HDAC9: variants seen among roughly 807,000 people sequenced by gnomAD.
The protein encoded by HDAC9 is MEF-2 interacting transcription repressor (MITR) protein.
Under a neutral mutation model 139.4 loss-of-function variants are expected in HDAC9, and 41 were observed. The ratio of observed to expected loss-of-function variants is 0.29; its 90% CI spans 0.23 to 0.38. The LOEUF is 0.38. Ranked by LOEUF, HDAC9 falls within the 10% of genes least tolerant of loss-of-function variation. The pLI, the probability that HDAC9 is intolerant of heterozygous loss-of-function variation, is 1.00. For synonymous variants in HDAC9, 517 were observed against 476.2 expected, an observed-to-expected ratio of 1.09 and a Z score of -1.12; for missense variants, 1,147 against 1,297.0, an observed-to-expected ratio of 0.88 and a Z score of 1.78.
At chr7:18,807,689 T>C (rs991416900) in intron 17 of HDAC9, among the ~76,000 whole-genome samples, 1 of 152,182 alleles carries the variant, frequency 6.6e-6, no homozygotes, top group Non-Finnish European at 1.5e-5. Flanking sequence ...ACCCATTGGT[T>C]TCCCAGAAAT....
chr7:18,991,034 C>G (rs144236580), intron 25 of HDAC9, among the ~76,000 whole-genome samples: 1 of 152,178 alleles, frequency 6.6e-6, no homozygotes, highest in Non-Finnish European at 1.5e-5. Flanking sequence ...AGCTGTAGAC[C>G]GGAGCTGTTC....
At chr7:18,273,366 G>T (rs1245676704) in intron 2 of HDAC9, among the ~76,000 whole-genome samples, 1 of 152,006 alleles carries the variant, frequency 6.6e-6, no homozygotes, top group East Asian at 1.9e-4. Context: ...ACTGCAGCCA[G>T]CCTAGACTTC....
At chr7:18,097,819 C>T (rs922873341) in intron 1 of HDAC9, among the ~76,000 whole-genome samples, 1 of 152,018 alleles carries the variant, frequency 6.6e-6, no homozygotes, top group Admixed American at 6.6e-5. Flanking sequence ...TCAAGTGATC[C>T]TCTGGAGTAA....
chr7:18,591,608 C>G lies in HDAC9; in HGVS notation c.508C>G (p.His170Asp), dbSNP rs747939508. The change falls in exon 5 of 26, where the codon CAT becomes GAT. Residue 170 changes from histidine to aspartate, a missense_variant. Transcript: ENST00000686413. ...AGACACTCCAACTAATGGAAAAAAT[C>G]ATTCCGTGAGCCGCCATCCCAAGCT... The part of the protein sequence containing the change: ...TKDTPTNGKN[H>D]SVSRHPKLWY... 6.2e-7 allele frequency: 1 copy of G among 1,613,406 alleles called. No individual in the cohort carries two copies. Among genetic ancestry groups the G allele is most frequent in the Non-Finnish European group, 8.5e-7 (1 of 1,179,648 alleles).
chr7:18,274,654 T>A (rs531399576), intron 2 of HDAC9, among the ~76,000 whole-genome samples: 29 of 152,338 alleles, frequency 1.9e-4, no homozygotes, highest in African/African-American at 6.3e-4. Context: ...TAATTTGAGA[T>A]ATTTTTATGC....
chr7:18,621,880 C>G (rs1430757533), intron 6 of HDAC9, among the ~76,000 whole-genome samples: 1 of 152,162 alleles, frequency 6.6e-6, no homozygotes, highest in Non-Finnish European at 1.5e-5. Flanking sequence ...ACTGGAGGAT[C>G]TACTGTGTTC....
intron 2 of HDAC9, among the ~76,000 whole-genome samples, chr7:18,246,512 C>T (rs1019451186): frequency 6.6e-6 from 1 of 152,048 alleles, no homozygotes; most frequent in Non-Finnish European, 1.5e-5. Context: ...AGTCACCCCC[C>T]CATTCCCACC....
At chr7:18,884,800 G>A (rs1010339805) in intron 22 of HDAC9, among the ~76,000 whole-genome samples, 4 of 152,062 alleles carry the variant, frequency 2.6e-5, no homozygotes, top group Non-Finnish European at 4.4e-5. Flanking sequence ...GAATGCCTTC[G>A]ACCTTCCTTA....
chr7:18,944,340 G>A (rs1782225180), intron 23 of HDAC9, among the ~76,000 whole-genome samples: 1 of 152,092 alleles, frequency 6.6e-6, no homozygotes, highest in Admixed American at 6.5e-5. Context: ...TGTTGCAGGG[G>A]GACTTTCAGC....
intron 2 of HDAC9, among the ~76,000 whole-genome samples, chr7:18,260,309 TTGTTTTTTTTTTTG>T (rs1795569305): frequency 6.1e-5 from 8 of 130,662 alleles, no homozygotes; most frequent in Non-Finnish European, 9.8e-5. Flanking sequence ...ACACTTTTTT[TTGTTTTTTTTTTTG>T]TTTTTTTTTT....
intron 1 of HDAC9, chr7:18,458,896 T>TC: frequency 6.5e-7 from 1 of 1,533,026 alleles, no homozygotes; most frequent in Non-Finnish European, 8.7e-7. Flanking sequence ...TGTAGGATCT[T>TC]CCCAGGTAGA....
chr7:18,896,504 G>A (rs62448101), intron 22 of HDAC9, among the ~76,000 whole-genome samples: 1 of 152,032 alleles, frequency 6.6e-6, no homozygotes, highest in African/African-American at 2.4e-5. Flanking sequence ...TCTATGGAAT[G>A]CCTCAAGTTC....
chr7:18,624,943 G>T (rs1006254440), intron 6 of HDAC9, among the ~76,000 whole-genome samples: 1 of 151,976 alleles, frequency 6.6e-6, no homozygotes, highest in Admixed American at 6.6e-5. Context: ...TTAAGTAGGG[G>T]CCTTTCTTTA....
intron 1 of HDAC9, chr7:18,458,963 T>C: frequency 1.7e-6 from 2 of 1,193,436 alleles, no homozygotes; most frequent in Non-Finnish European, 2.4e-6. Context: ...CATGAGTGGG[T>C]GACTTCCTTT....
intron 1 of HDAC9, among the ~76,000 whole-genome samples, chr7:18,465,005 G>A (rs746902005): frequency 6.4e-4 from 98 of 152,046 alleles, no homozygotes; most frequent in African/African-American, 2.2e-3. Context: ...TTGTATGTTT[G>A]GGATATTTTG....
At chr7:18,895,433 G>A (rs894472375) in intron 22 of HDAC9, among the ~76,000 whole-genome samples, 1 of 152,080 alleles carries the variant, frequency 6.6e-6, no homozygotes, top group Non-Finnish European at 1.5e-5. Context: ...AAATTGAAAA[G>A]CTAGAAGGTG....
intron 12 of HDAC9, among the ~76,000 whole-genome samples, chr7:18,704,115 C>T (rs1783704549): frequency 6.6e-6 from 1 of 152,180 alleles, no homozygotes; most frequent in South Asian, 2.1e-4. Context: ...CTCTTGAGGG[C>T]CCACAAATGT....
intron 2 of HDAC9, among the ~76,000 whole-genome samples, chr7:18,214,313 C>T (rs1792145799): frequency 6.6e-6 from 1 of 151,968 alleles, no homozygotes; most frequent in African/African-American, 2.4e-5. Flanking sequence ...TTAATTCCAC[C>T]CATTAAGCTA....
chr7:18,210,410 C>T (rs745959188), intron 2 of HDAC9, among the ~76,000 whole-genome samples: 16 of 152,152 alleles, frequency 1.1e-4, no homozygotes, highest in Non-Finnish European at 1.8e-4. Context: ...CTATTTCAGA[C>T]AATGTAGAAT....
Sources: allele counts gnomAD v4.1 joint callset (sites outside exome capture counted in the v4.1 genomes callset), GRCh38; gene constraint gnomAD v4.1.1; transcripts MANE v1.5; gene names NCBI Gene and HGNC (gene_info 2026-07-23, HGNC 2026-07-21).